The following CDKL4 variants were observed in gnomAD, a reference collection of about 807,000 sequenced individuals.
The protein encoded by CDKL4 is cyclin-dependent kinase-like 4.
In CDKL4, 44 loss-of-function variants were observed where a neutral mutation model predicts 42.0. The observed-to-expected ratio is 1.05, with a 90% CI of 0.82 to 1.35. The LOEUF is 1.35. CDKL4 is among the 40% of genes most tolerant of loss of function. The probability of loss-of-function intolerance (pLI) is 0.00; values close to 1 mark genes in which losing one functional copy is unlikely to be tolerated. For synonymous variants in CDKL4, 120 were observed against 121.6 expected (o/e 0.99, Z 0.09); for missense variants, 393 against 369.9 (o/e 1.06, Z -0.51).
chr2:39,202,978 G>T (rs973832461), intron 5 of CDKL4, among the ~76,000 whole-genome samples: 8 of 152,162 alleles, frequency 5.3e-5, no homozygotes, highest in Admixed American at 3.3e-4. Flanking sequence ...GTACCACTTT[G>T]TTTATAATAA....
the CDKL4 span, among the ~76,000 whole-genome samples, chr2:39,170,447 TTTGTTGTTG>T: frequency 1.3e-5 from 2 of 151,818 alleles, no homozygotes; most frequent in Non-Finnish European, 2.9e-5. Context: ...TTTTTAGTTT[TTTGTTGTTG>T]TTGTTGTTGT....
At chr2:39,185,565 C>T (rs959476756) in intron 7 of CDKL4, among the ~76,000 whole-genome samples, 1 of 149,696 alleles carries the variant, frequency 6.7e-6, no homozygotes, top group Admixed American at 6.7e-5. Flanking sequence ...CGGGTTGATG[C>T]CATTCTCCTG....
At chr2:39,188,296 C>T (rs1392973774) in intron 6 of CDKL4, among the ~76,000 whole-genome samples, 1 of 151,686 alleles carries the variant, frequency 6.6e-6, no homozygotes, top group East Asian at 2.0e-4. Flanking sequence ...GGTGCGGTGG[C>T]TCACGCCTGT....
At chr2:39,209,399 C>G (rs1349582937) in intron 4 of CDKL4, among the ~76,000 whole-genome samples, 2 of 152,036 alleles carry the variant, frequency 1.3e-5, no homozygotes, top group African/African-American at 4.8e-5. Context: ...ATAAAAATCC[C>G]TGGGTTCATT....
chr2:39,202,405 T>A (rs1225997423), intron 5 of CDKL4, among the ~76,000 whole-genome samples: 1 of 152,234 alleles, frequency 6.6e-6, no homozygotes, highest in East Asian at 1.9e-4. Flanking sequence ...TGTTATTGAG[T>A]CATAGTTCTG....
chr2:39,190,735 G>A (rs1252398429), intron 5 of CDKL4, among the ~76,000 whole-genome samples: 2 of 152,114 alleles, frequency 1.3e-5, no homozygotes, highest in African/African-American at 4.8e-5. Context: ...CTGGGGTGGC[G>A]GGTGGTGTGA....
chr2:39,229,008 ACTCT>A (rs549206430), intron 2 of CDKL4, among the ~76,000 whole-genome samples: 3 of 151,582 alleles, frequency 2.0e-5, no homozygotes, highest in African/African-American at 7.3e-5. Context: ...TGTGGGACTG[ACTCT>A]CTGTGCCAGG....
intron 8 of CDKL4, among the ~76,000 whole-genome samples, chr2:39,182,900 G>A (rs548234728): frequency 2.6e-5 from 4 of 152,254 alleles, no homozygotes; most frequent in South Asian, 2.1e-4. Flanking sequence ...TGCCAAATAC[G>A]CCATCCACCT....
chr2:39,213,079 T>A (rs1677685148), intron 4 of CDKL4, among the ~76,000 whole-genome samples: 1 of 152,048 alleles, frequency 6.6e-6, no homozygotes, highest in Non-Finnish European at 1.5e-5. Flanking sequence ...ATTTGATTCT[T>A]ACAGAAATTG....
intron 2 of CDKL4, 151 bp from the exon 3 acceptor site, chr2:39,226,111 G>T: frequency 1.7e-6 from 1 of 594,118 alleles, no homozygotes; most frequent in Non-Finnish European, 2.6e-6. Context: ...AATCTCTCTG[G>T]TGATAGCAAG....
intron 5 of CDKL4, among the ~76,000 whole-genome samples, chr2:39,203,823 C>T (rs1436674838): frequency 6.6e-6 from 1 of 152,128 alleles, no homozygotes; most frequent in African/African-American, 2.4e-5. Context: ...TTATCTTTAC[C>T]ACAAAGCACA....
In CDKL4 at chr2:39,187,454, A is replaced by G. The variant is rs369163279; in HGVS notation, c.735+173T>C. Among the ~76,000 whole-genome samples the G allele has an allele frequency of 3.1e-4, 47 of 150,098 alleles. No individual in the cohort carries two copies. In the East Asian group the frequency reaches 4.0e-3, roughly 13 times the overall value. ...CCAGCATTGGGGAGGCTGAGGTGGGAGGATCACTTGAGTCTCGGAGGTTGA... is the reference window on the plus strand; with the variant it reads ...CCAGCATTGGGGAGGCTGAGGTGGGGGGATCACTTGAGTCTCGGAGGTTGA... On this transcript the variant is annotated intron_variant, in intron 7 of 9. Coordinates refer to ENST00000451199, the Ensembl canonical transcript of CDKL4.
chr2:39,207,281 A>G (rs965213453), intron 4 of CDKL4, among the ~76,000 whole-genome samples: 1 of 152,136 alleles, frequency 6.6e-6, no homozygotes, highest in Admixed American at 6.6e-5. Flanking sequence ...GCTACACAAG[A>G]CGCTGAGATG....
At chr2:39,232,951 A>G (rs1205504065) in intron 1 of CDKL4, among the ~76,000 whole-genome samples, 1 of 150,114 alleles carries the variant, frequency 6.7e-6, no homozygotes. Context: ...AGGCTGAGAC[A>G]AGAGAATTGC....
At chr2:39,212,234 ATT>A (rs34797813) in intron 4 of CDKL4, among the ~76,000 whole-genome samples, 21 of 141,490 alleles carry the variant, frequency 1.5e-4, no homozygotes, top group Non-Finnish European at 2.0e-4. Flanking sequence ...AAATTAATGA[ATT>A]TTTTTTTTTT....
At chr2:39,211,569 CTAAGA>C (rs1425810424) in intron 4 of CDKL4, among the ~76,000 whole-genome samples, 8 of 152,050 alleles carry the variant, frequency 5.3e-5, no homozygotes, top group South Asian at 4.2e-4. Flanking sequence ...GTCATTGTTG[CTAAGA>C]TATCATCTCA....
chr2:39,201,694 T>A (rs562720216), intron 5 of CDKL4, among the ~76,000 whole-genome samples: 1 of 152,032 alleles, frequency 6.6e-6, no homozygotes, highest in South Asian at 2.1e-4. Flanking sequence ...TGGAGACCAT[T>A]ATTCTAACCA....
chr2:39,229,402 A>C (rs1678958927), exon 2 of CDKL4: 1 of 1,607,748 alleles, frequency 6.2e-7, no homozygotes, highest in East Asian at 2.2e-5. Context: ...TATTTTCTTA[A>C]CAACAGGATC....
intron 7 of CDKL4, among the ~76,000 whole-genome samples, chr2:39,185,651 C>A (rs775845983): frequency 6.6e-6 from 1 of 151,044 alleles, no homozygotes. Flanking sequence ...TTAGTACAGA[C>A]GGGGTTTCAC....
Sources: gnomAD v4.1 joint callset for allele counts (sites outside exome capture counted in the v4.1 genomes callset) on GRCh38, gnomAD v4.1.1 for gene constraint, MANE v1.5 for transcripts, NCBI Gene and HGNC (gene_info 2026-07-23, HGNC 2026-07-21) for gene names.